COL21A1: variants seen among roughly 807,000 people sequenced by gnomAD.
The protein encoded by COL21A1 is collagen alpha-1(XXI) chain.
Under a neutral mutation model 137.9 loss-of-function variants are expected in COL21A1, and 149 were observed. The ratio of observed to expected loss-of-function variants is 1.08; its 90% CI spans 0.95 to 1.24. COL21A1 has a LOEUF of 1.24. Among genes scored for constraint, COL21A1 ranks in the 50% most tolerant of loss-of-function variants. COL21A1 has a pLI of 0.00. For synonymous variants in COL21A1, 456 were observed against 391.5 expected (o/e 1.16, Z -1.95); for missense variants, 1,167 against 1,158.4 (o/e 1.01, Z -0.11).
chr6:56,144,780 G>A (rs1774705254), intron 10 of COL21A1, among the ~76,000 whole-genome samples: 1 of 152,196 alleles, frequency 6.6e-6, no homozygotes, highest in African/African-American at 2.4e-5. Context: ...AACCCTGGGA[G>A]GCAACACAGT....
chr6:56,278,620 A>G (rs866377577), intron 1 of COL21A1, among the ~76,000 whole-genome samples: 16 of 152,292 alleles, frequency 1.1e-4, no homozygotes, highest in Middle Eastern at 3.4e-3. Context: ...AGCATGGTAT[A>G]TTTTACAAAG....
chr6:56,101,706 G>GTT (rs1770473834), intron 16 of COL21A1, among the ~76,000 whole-genome samples, 181 bp from the exon 17 acceptor site: 1 of 152,058 alleles, frequency 6.6e-6, no homozygotes, highest in Non-Finnish European at 1.5e-5. Context: ...AATTCATAAA[G>GTT]TGACTATATA....
chr6:56,173,186 T>TACAAAA (rs953266352), intron 3 of COL21A1, among the ~76,000 whole-genome samples: 3 of 151,872 alleles, frequency 2.0e-5, no homozygotes, highest in Non-Finnish European at 2.9e-5. Flanking sequence ...ACCCCATCTC[T>TACAAAA]ACAAAAACAA....
At chr6:56,367,029 T>C (rs897398696) in intron 1 of COL21A1, among the ~76,000 whole-genome samples, 4 of 152,232 alleles carry the variant, frequency 2.6e-5, no homozygotes, top group Non-Finnish European at 4.4e-5. Context: ...GTAAATATTT[T>C]AAGACTATGT....
At chr6:56,063,063 A>C (rs1765951366) in intron 24 of COL21A1, among the ~76,000 whole-genome samples, 2 of 152,136 alleles carry the variant, frequency 1.3e-5, no homozygotes, top group African/African-American at 4.8e-5. Flanking sequence ...GCTGCTGAAA[A>C]GCAACAGCTG....
At chr6:56,171,216 G>C (rs1359950259) in intron 3 of COL21A1, 88 bp from the exon 4 acceptor site, 27 of 782,290 alleles carry the variant, frequency 3.5e-5, no homozygotes, top group African/African-American at 5.3e-5. Context: ...AGACAATATA[G>C]TATTCTATCA....
At chr6:56,076,741 G>A (rs191712460) in intron 18 of COL21A1, among the ~76,000 whole-genome samples, 4 of 151,468 alleles carry the variant, frequency 2.6e-5, no homozygotes, top group African/African-American at 9.7e-5. Context: ...AAGAGATGTA[G>A]AGCATAAAAT....
chr6:56,220,980 C>T (rs895827049), intron 1 of COL21A1, among the ~76,000 whole-genome samples: 4 of 152,212 alleles, frequency 2.6e-5, no homozygotes, highest in South Asian at 2.1e-4. Context: ...CAATTCCATT[C>T]TTAAGGGAAA....
chr6:56,288,791 C>T (rs1179444240), intron 1 of COL21A1, among the ~76,000 whole-genome samples: 1 of 152,096 alleles, frequency 6.6e-6, no homozygotes, highest in Non-Finnish European at 1.5e-5. Context: ...CAATACTGTG[C>T]TAAAAGTGTC....
intron 1 of COL21A1, among the ~76,000 whole-genome samples, chr6:56,382,649 C>T (rs1403931481): frequency 6.6e-6 from 1 of 152,094 alleles, no homozygotes; most frequent in Non-Finnish European, 1.5e-5. Flanking sequence ...CCTTTCCTCT[C>T]CCTCACCCTC....
intron 1 of COL21A1, among the ~76,000 whole-genome samples, chr6:56,243,068 A>G (rs1462398750): frequency 6.6e-6 from 1 of 152,074 alleles, no homozygotes; most frequent in Non-Finnish European, 1.5e-5. Flanking sequence ...ACATCTCCAA[A>G]CCTGTTCCCT....
chr6:56,326,110 A>G (rs1307914004), intron 1 of COL21A1, among the ~76,000 whole-genome samples: 1 of 139,492 alleles, frequency 7.2e-6, no homozygotes, highest in African/African-American at 2.6e-5. Flanking sequence ...ATTTTAACAT[A>G]AAACAAAACT....
At chr6:56,182,470 C>T (rs1777973062) in intron 2 of COL21A1, 61 bp downstream of exon 2, 6 of 1,088,474 alleles carry the variant, frequency 5.5e-6, no homozygotes, top group Non-Finnish European at 8.3e-6. Flanking sequence ...TTGAACTCCC[C>T]TAGTTTAATT....
chr6:56,177,685 G>T (rs565769556), intron 3 of COL21A1, among the ~76,000 whole-genome samples: 2 of 151,478 alleles, frequency 1.3e-5, no homozygotes, highest in African/African-American at 4.8e-5. Flanking sequence ...CCAGCTACTC[G>T]GGAGGCTGAG....
At chr6:56,296,063 T>C (rs142033384) in intron 1 of COL21A1, among the ~76,000 whole-genome samples, 1 of 151,962 alleles carries the variant, frequency 6.6e-6, no homozygotes, top group Non-Finnish European at 1.5e-5. Context: ...ATGTTAGCTA[T>C]AAGTTTTTTA....
At chr6:56,331,051 T>G (rs994223075) in intron 1 of COL21A1, among the ~76,000 whole-genome samples, 2 of 152,128 alleles carry the variant, frequency 1.3e-5, no homozygotes, top group African/African-American at 4.8e-5. Context: ...TGATTAGTCA[T>G]GTGGAGCATT....
rs548005509 is a variant in COL21A1, at chr6:56,238,430, TAA to T, written c.-39+8955_-39+8956del. On this transcript the variant is annotated intron_variant, in intron 1 of 29. Coordinates refer to ENST00000244728, the MANE Select transcript of COL21A1 (RefSeq NM_030820.4). ...ATGCTGAAACTCGGGGCAGTCTTCT[TAA>T]AAAAAAAAAAAAAAAAAAAGCCTCC... 5.4e-3 allele frequency among the ~76,000 whole-genome samples: 493 copies of T among 91,488 alleles called. 3 individuals are homozygous for T. Among genetic ancestry groups the T allele is most frequent in the African/African-American group, 0.018 (450 of 24,516 alleles). The allele number at this position is 91,488 out of a possible 152,430, so 60.0% of individuals were successfully genotyped here.
At chr6:56,384,544 A>G (rs988986716) in intron 1 of COL21A1, among the ~76,000 whole-genome samples, 2 of 152,248 alleles carry the variant, frequency 1.3e-5, no homozygotes, top group African/African-American at 4.8e-5. Context: ...TTCTAAGCCA[A>G]AAGAACACCA....
At chr6:56,243,789 G>C (rs555359495) in intron 1 of COL21A1, among the ~76,000 whole-genome samples, 1 of 152,258 alleles carries the variant, frequency 6.6e-6, no homozygotes, top group Admixed American at 6.5e-5. Flanking sequence ...TTCAGGGCTA[G>C]GCAGTCTGGC....
Sources: allele counts gnomAD v4.1 joint callset (sites outside exome capture counted in the v4.1 genomes callset), GRCh38; gene constraint gnomAD v4.1.1; transcripts MANE v1.5; gene names NCBI Gene and HGNC (gene_info 2026-07-23, HGNC 2026-07-21).